The following ATM variants were observed in gnomAD, a reference collection of about 807,000 sequenced individuals.
The protein encoded by ATM is serine-protein kinase ATM.
A neutral mutation model predicts 387.0 loss-of-function variants in ATM; 308 were observed. The ratio of observed to expected loss-of-function variants is 0.80; its 90% CI spans 0.73 to 0.87. ATM has a LOEUF of 0.87. Ranked by LOEUF, ATM falls within the 40% of genes least tolerant of loss-of-function variation. ATM has a pLI of 0.00. For synonymous variants in ATM, 1,156 were observed against 1,187.3 expected (o/e 0.97, Z 0.54); for missense variants, 3,312 against 3,560.9 (o/e 0.93, Z 1.78).
intron 9 of ATM, among the ~76,000 whole-genome samples, chr11:108,249,444 T>C (rs1408558416): frequency 2.0e-5 from 3 of 152,246 alleles, no homozygotes; most frequent in Non-Finnish European, 4.4e-5. Flanking sequence ...TAGCACCTTC[T>C]AATAGAATTA....
intron 54 of ATM, among the ~76,000 whole-genome samples, chr11:108,334,764 C>A (rs1332307542): frequency 6.6e-6 from 1 of 152,140 alleles, no homozygotes; most frequent in Non-Finnish European, 1.5e-5. Context: ...GATGACTTTA[C>A]ATATATTAGT....
chr11:108,260,050 T>C (rs985026863), intron 16 of ATM, among the ~76,000 whole-genome samples: 7 of 150,330 alleles, frequency 4.7e-5, no homozygotes, highest in Admixed American at 1.3e-4. Flanking sequence ...TTTTTTTTTT[T>C]TTGAGACAAA....
At chr11:108,297,545 C>T (rs2083194327) in intron 33 of ATM, among the ~76,000 whole-genome samples, 163 bp downstream of exon 33, 1 of 152,066 alleles carries the variant, frequency 6.6e-6, no homozygotes, top group Admixed American at 6.5e-5. Context: ...TAGGCTATAC[C>T]ATCTAGGTTT....
At chr11:108,330,967 T>TA (rs1186316694) in intron 50 of ATM, among the ~76,000 whole-genome samples, 7 of 152,220 alleles carry the variant, frequency 4.6e-5, no homozygotes, top group Non-Finnish European at 7.4e-5. Context: ...TATATATTGT[T>TA]AGTCAATTTG....
Position 108,279,489 on chromosome 11 carries a change from A to G in ATM, c.3285-2A>G, listed in dbSNP as rs1591631876. 1 of 1,598,180 alleles carries G rather than the reference A, an allele frequency of 6.3e-7. No homozygotes were observed. The highest frequency in any genetic ancestry group is 8.6e-7 in the Non-Finnish European group (1 of 1,168,214). ...TTTGTTTGTTTGCTTGCTTGTTTTA[A>G]GATTGTTCCAGGACACGAAGGGAGA... On this transcript the variant is annotated splice_acceptor_variant, in intron 22 of 62. Coordinates refer to ENST00000675843, the MANE Select transcript of ATM (RefSeq NM_000051.4). LOFTEE classifies it high-confidence loss of function.
chr11:108,293,592 A>G, intron 31 of ATM, 115 bp downstream of exon 31: 2 of 974,132 alleles, frequency 2.1e-6, no homozygotes, highest in Non-Finnish European at 3.1e-6. Flanking sequence ...TGTGATTAAA[A>G]ATATATACGT....
chr11:108,335,500 A>G (rs569056127), intron 55 of ATM, among the ~76,000 whole-genome samples: 1 of 152,236 alleles, frequency 6.6e-6, no homozygotes, highest in Admixed American at 6.5e-5. Context: ...AAAAAGGGAG[A>G]GCATTCTTCC....
intron 9 of ATM, among the ~76,000 whole-genome samples, chr11:108,250,141 A>AATATAT (rs10612272): frequency 2.7e-5 from 4 of 146,482 alleles, no homozygotes; most frequent in Admixed American, 6.8e-5. Flanking sequence ...AATATTGCTA[A>AATATAT]ATATATATAT....
chr11:108,247,339 G>T (rs897522300), intron 8 of ATM, among the ~76,000 whole-genome samples: 1 of 152,052 alleles, frequency 6.6e-6, no homozygotes, highest in Non-Finnish European at 1.5e-5. Flanking sequence ...AACTAACAAT[G>T]AACTTTTTCA....
chr11:108,354,805 C>T lies in ATM; in HGVS notation c.8787-6C>T, dbSNP rs1591313765. 4 of 1,612,576 alleles carry T rather than the reference C, an allele frequency of 2.5e-6. No individual in the cohort carries two copies. The highest frequency in any genetic ancestry group is 1.7e-6 in the Non-Finnish European group (2 of 1,178,618). ...AAATCCGTATTTATAATGTGTTTGA[C>T]TCTAGATGCTGTGAGAAAACCATGG... On this transcript the variant is annotated splice_polypyrimidine_tract_variant and splice_region_variant and intron_variant, in intron 60 of 62. Transcript: ENST00000675843.
intron 54 of ATM, among the ~76,000 whole-genome samples, chr11:108,334,429 G>A (rs1019782811): frequency 3.9e-5 from 6 of 152,230 alleles, no homozygotes; most frequent in Middle Eastern, 3.4e-3. Context: ...ACTTAGCTCT[G>A]TTCTAATATT....
intron 23 of ATM, 37 bp from the exon 24 acceptor site, chr11:108,280,958 A>G: frequency 6.5e-7 from 1 of 1,549,820 alleles, no homozygotes; most frequent in Non-Finnish European, 8.8e-7. Context: ...AAACATTTAC[A>G]TTTTACATTA....
chr11:108,347,213 T>G, intron 58 of ATM, 66 bp from the exon 59 acceptor site: 1 of 1,226,840 alleles, frequency 8.2e-7, no homozygotes, highest in Non-Finnish European at 1.2e-6. Context: ...TTAATTGAAA[T>G]TATGGCTATA....
intron 18 of ATM, among the ~76,000 whole-genome samples, chr11:108,270,449 T>G (rs2081511735): frequency 6.6e-6 from 1 of 152,172 alleles, no homozygotes; most frequent in Non-Finnish European, 1.5e-5. Flanking sequence ...ACTTTTACGT[T>G]TATTTTCTCT....
chr11:108,315,361 G>C (rs949893213), intron 40 of ATM, among the ~76,000 whole-genome samples: 1 of 152,104 alleles, frequency 6.6e-6, no homozygotes, highest in African/African-American at 2.4e-5. Flanking sequence ...TGTGTACAGT[G>C]TGTGTGTGTA....
At chr11:108,252,718 A>T in intron 11 of ATM, 99 bp from the exon 12 acceptor site, 1 of 833,542 alleles carries the variant, frequency 1.2e-6, no homozygotes, top group Non-Finnish European at 1.9e-6. Context: ...TCCAAATTTT[A>T]GAAGTCAAGA....
intron 16 of ATM, among the ~76,000 whole-genome samples, chr11:108,266,625 TAAAGTG>T (rs2081260319): frequency 1.3e-5 from 2 of 152,004 alleles, no homozygotes; most frequent in South Asian, 4.1e-4. Flanking sequence ...CCCTAAAACT[TAAAGTG>T]TAATAAAAAA....
chr11:108,259,445 C>T (rs2080727135), intron 16 of ATM, among the ~76,000 whole-genome samples: 1 of 152,212 alleles, frequency 6.6e-6, no homozygotes, highest in Non-Finnish European at 1.5e-5. Flanking sequence ...AAGATCGTGC[C>T]ACTGCACTCC....
intron 29 of ATM, chr11:108,290,031 G>A (rs2082700510): frequency 1.9e-5 from 8 of 431,298 alleles, no homozygotes; most frequent in Non-Finnish European, 3.0e-5. Context: ...CTAATTTTTT[G>A]TGTTTTTTGT....
Sources: allele counts gnomAD v4.1 joint callset (sites outside exome capture counted in the v4.1 genomes callset), GRCh38; gene constraint gnomAD v4.1.1; transcripts MANE v1.5; gene names NCBI Gene and HGNC (gene_info 2026-07-23, HGNC 2026-07-21).